SESN1: variants seen among roughly 807,000 people sequenced by gnomAD.
SESN1 encodes sestrin-1.
In SESN1, 30 loss-of-function variants were observed where a neutral mutation model predicts 59.3. The observed-to-expected ratio is 0.51, with a 90% CI of 0.38 to 0.69. The LOEUF (loss-of-function observed/expected upper bound fraction) is 0.69. SESN1 is among the 30% of genes least tolerant of loss of function. The pLI, the probability that SESN1 is intolerant of heterozygous loss-of-function variation, is 0.00. For synonymous variants in SESN1, 197 were observed against 219.9 expected, an observed-to-expected ratio of 0.90 and a Z score of 0.92; for missense variants, 566 against 673.0, an observed-to-expected ratio of 0.84 and a Z score of 1.76.
chr6:109,035,554 A>T (rs551881335), intron 1 of SESN1, among the ~76,000 whole-genome samples: 29 of 152,076 alleles, frequency 1.9e-4, no homozygotes, highest in African/African-American at 7.0e-4. Flanking sequence ...GAGGGAAAAA[A>T]AAAAAGGAAA....
intron 1 of SESN1, among the ~76,000 whole-genome samples, chr6:109,070,646 T>C (rs1033966253): frequency 1.3e-5 from 2 of 152,244 alleles, no homozygotes; most frequent in African/African-American, 2.4e-5. Flanking sequence ...ACAACTACTG[T>C]TTCTAATACA....
intron 1 of SESN1, among the ~76,000 whole-genome samples, chr6:109,044,303 A>G (rs1293024649): frequency 7.8e-6 from 1 of 128,096 alleles, no homozygotes; most frequent in African/African-American, 3.0e-5. Context: ...CACAGTGAGA[A>G]CTTGCCTCAA....
At chr6:109,079,896 T>C (rs767797006) in intron 1 of SESN1, among the ~76,000 whole-genome samples, 67 of 152,246 alleles carry the variant, frequency 4.4e-4, no homozygotes, top group Non-Finnish European at 1.8e-4. Flanking sequence ...ATGATTTCTG[T>C]ATGAGCTCAA....
intron 1 of SESN1, among the ~76,000 whole-genome samples, chr6:109,031,941 T>C (rs1780186220): frequency 6.6e-6 from 1 of 152,212 alleles, no homozygotes; most frequent in Non-Finnish European, 1.5e-5. Flanking sequence ...ATTCACTTGT[T>C]TCATATACAC....
At chr6:109,055,706 T>A (rs1397227462) in intron 1 of SESN1, among the ~76,000 whole-genome samples, 1 of 151,490 alleles carries the variant, frequency 6.6e-6, no homozygotes, top group Non-Finnish European at 1.5e-5. Context: ...CCAGAATGGT[T>A]ATTTCAATCA....
intron 5 of SESN1, 89 bp from the exon 6 acceptor site, chr6:108,994,698 C>CTTT (rs11395949): frequency 1.5e-3 from 449 of 292,604 alleles, no homozygotes; most frequent in South Asian, 2.5e-3. Context: ...GAATTTATAT[C>CTTT]TTTTTTTTTT....
intron 1 of SESN1, among the ~76,000 whole-genome samples, chr6:109,031,104 A>G (rs1182461829): frequency 6.6e-6 from 1 of 152,222 alleles, no homozygotes; most frequent in Non-Finnish European, 1.5e-5. Context: ...TAAAGGCTTA[A>G]AAGATGGGTA....
At chr6:109,008,857 C>T in intron 1 of SESN1, 2 of 985,794 alleles carry the variant, frequency 2.0e-6, no homozygotes, top group Non-Finnish European at 2.4e-6. Context: ...GCAACATCAT[C>T]TCTTCCCTGA....
chr6:109,063,035 G>A (rs1370644352), intron 1 of SESN1, among the ~76,000 whole-genome samples: 4 of 152,216 alleles, frequency 2.6e-5, no homozygotes, highest in East Asian at 3.9e-4. Flanking sequence ...GTCTCAGGGA[G>A]AACGAGATGT....
intron 1 of SESN1, among the ~76,000 whole-genome samples, chr6:109,076,999 T>C (rs185135778): frequency 6.6e-6 from 1 of 152,370 alleles, no homozygotes; most frequent in Non-Finnish European, 1.5e-5. Context: ...CTATTGCTCC[T>C]AGGCTGCGAA....
chr6:109,009,278 C>T (rs944022783), intron 1 of SESN1: 33 of 1,253,484 alleles, frequency 2.6e-5, no homozygotes, highest in Non-Finnish European at 3.2e-5. Context: ...GCAACGTGAC[C>T]TCCGTGTTGC....
intron 3 of SESN1, 26 bp from the exon 4 acceptor site, chr6:109,000,699 T>C (rs771195902): frequency 1.6e-5 from 24 of 1,486,306 alleles, no homozygotes; most frequent in Non-Finnish European, 2.1e-5. Context: ...TTATTCTAAT[T>C]ATAAATATTA....
intron 1 of SESN1, among the ~76,000 whole-genome samples, chr6:109,037,738 T>C (rs545941127): frequency 1.3e-5 from 2 of 152,296 alleles, no homozygotes; most frequent in East Asian, 3.9e-4. Flanking sequence ...GCCTTATGAT[T>C]TACTAGAGTA....
intron 1 of SESN1, among the ~76,000 whole-genome samples, chr6:109,087,395 AAAG>A (rs769449709): frequency 6.6e-6 from 1 of 152,186 alleles, no homozygotes; most frequent in Admixed American, 6.5e-5. Context: ...TTCTTTATCC[AAAG>A]AAGGACAGAA....
intron 1 of SESN1, among the ~76,000 whole-genome samples, chr6:109,073,604 T>A (rs1780975387): frequency 6.6e-6 from 1 of 152,188 alleles, no homozygotes; most frequent in Non-Finnish European, 1.5e-5. Context: ...AGGAGTAAAT[T>A]TTTATTCAGT....
chr6:109,008,283 T>C (rs1450760351), intron 1 of SESN1, among the ~76,000 whole-genome samples: 1 of 152,220 alleles, frequency 6.6e-6, no homozygotes, highest in African/African-American at 2.4e-5. Context: ...AAAAGATCTA[T>C]TATGACCCGC....
At chr6:109,033,705 T>G (rs1780215732) in intron 1 of SESN1, among the ~76,000 whole-genome samples, 1 of 152,118 alleles carries the variant, frequency 6.6e-6, no homozygotes, top group Non-Finnish European at 1.5e-5. Context: ...AGAGCAAAAT[T>G]TGATAATATG....
chr6:109,058,415 CTACGTGTGCAGTAGGCTA>C (rs1389378740), intron 1 of SESN1, among the ~76,000 whole-genome samples: 1 of 152,112 alleles, frequency 6.6e-6, no homozygotes, highest in Non-Finnish European at 1.5e-5. Flanking sequence ...ACCATATAGC[CTACGTGTGCAGTAGGCTA>C]TACCATCTAG....
chr6:109,094,107 C>T lies in SESN1; in HGVS notation c.-34G>A, dbSNP rs1781415042. On this transcript the variant is annotated 5_prime_UTR_variant, in exon 1 of 10. Transcript: ENST00000436639. ...TTTTTCCTTTGCGGTCTTCAGTTAC[C>T]TTTCAGCATGCCCCAAAAAAATTGC... is the stretch of plus-strand genomic sequence containing the variant. The T allele has an allele frequency of 6.4e-7, 1 of 1,562,450 alleles. No homozygotes were observed.
Sources: gnomAD v4.1 joint callset for allele counts (sites outside exome capture counted in the v4.1 genomes callset) on GRCh38, gnomAD v4.1.1 for gene constraint, MANE v1.5 for transcripts, NCBI Gene and HGNC (gene_info 2026-07-23, HGNC 2026-07-21) for gene names.